ATP6V1H: variants seen among roughly 807,000 people sequenced by gnomAD.
ATP6V1H encodes ATPase H+ transporting V1 subunit H, also known as V-type proton ATPase subunit H.
ATP6V1H carries 39 observed loss-of-function variants against 71.7 expected under a neutral mutation model. The observed-to-expected ratio is 0.54, with a 90% CI of 0.42 to 0.71. The LOEUF (loss-of-function observed/expected upper bound fraction) is 0.71, where lower values mean the gene tolerates loss of function less well. Among genes scored for constraint, ATP6V1H ranks in the 30% least tolerant of loss-of-function variants. The probability of loss-of-function intolerance (pLI) is 0.00; values close to 1 mark genes in which losing one functional copy is unlikely to be tolerated. For missense variants in ATP6V1H, 509 were observed against 594.9 expected, an observed-to-expected ratio of 0.86 and a Z score of 1.50; for synonymous variants, 192 against 199.3, an observed-to-expected ratio of 0.96 and a Z score of 0.31.
At chr8:53,754,217 G>C (rs1807910912) in intron 12 of ATP6V1H, among the ~76,000 whole-genome samples, 1 of 152,100 alleles carries the variant, frequency 6.6e-6, no homozygotes, top group Non-Finnish European at 1.5e-5. Context: ...AGTGCAAAAG[G>C]CTTATTGGGA....
At chr8:53,824,743 T>C (rs1810773477) in intron 4 of ATP6V1H, among the ~76,000 whole-genome samples, 1 of 151,860 alleles carries the variant, frequency 6.6e-6, no homozygotes, top group African/African-American at 2.4e-5. Context: ...GCCATAAGAA[T>C]TAAAAAAGTG....
chr8:53,834,686 A>C (rs955042028), intron 2 of ATP6V1H, among the ~76,000 whole-genome samples: 1 of 152,062 alleles, frequency 6.6e-6, no homozygotes, highest in Non-Finnish European at 1.5e-5. Flanking sequence ...AGCCTCCCAA[A>C]GTGCTGGGAT....
chr8:53,840,392 G>A (rs1811305460), intron 2 of ATP6V1H, among the ~76,000 whole-genome samples: 1 of 152,042 alleles, frequency 6.6e-6, no homozygotes, highest in Non-Finnish European at 1.5e-5. Flanking sequence ...CAGCTACTCG[G>A]GAGGCTGAGG....
At chr8:53,732,940 C>A (rs543796575) in intron 13 of ATP6V1H, among the ~76,000 whole-genome samples, 1 of 152,136 alleles carries the variant, frequency 6.6e-6, no homozygotes, top group Non-Finnish European at 1.5e-5. Context: ...GTCAAGCAGG[C>A]AGTCTCAAAT....
intron 11 of ATP6V1H, among the ~76,000 whole-genome samples, chr8:53,767,712 G>C (rs1432185723): frequency 6.6e-6 from 1 of 152,076 alleles, no homozygotes; most frequent in Non-Finnish European, 1.5e-5. Context: ...TAATTCAATA[G>C]GTAAAGAACA....
intron 13 of ATP6V1H, among the ~76,000 whole-genome samples, chr8:53,731,860 C>T (rs577376896): frequency 9.2e-5 from 14 of 152,374 alleles, no homozygotes; most frequent in South Asian, 4.1e-4. Flanking sequence ...GCTTGAGCGA[C>T]GCAGATCCTG....
intron 13 of ATP6V1H, among the ~76,000 whole-genome samples, chr8:53,734,693 A>G (rs1215651663): frequency 1.3e-5 from 2 of 152,210 alleles, no homozygotes; most frequent in East Asian, 3.8e-4. Flanking sequence ...TGCAGGGAAC[A>G]CCAGCGAGCT....
chr8:53,770,144 A>C (rs534885312), intron 10 of ATP6V1H, among the ~76,000 whole-genome samples: 2 of 152,196 alleles, frequency 1.3e-5, no homozygotes, highest in Non-Finnish European at 2.9e-5. Context: ...ATAGTACTTT[A>C]ACATAATAAA....
intron 9 of ATP6V1H, among the ~76,000 whole-genome samples, chr8:53,792,017 A>C (rs1251440757): frequency 6.6e-6 from 1 of 152,242 alleles, no homozygotes; most frequent in East Asian, 1.9e-4. Context: ...GAAGCACTTA[A>C]GTAGAAGAAA....
intron 8 of ATP6V1H, among the ~76,000 whole-genome samples, chr8:53,798,940 A>G (rs1563472031): frequency 6.6e-6 from 1 of 152,186 alleles, no homozygotes; most frequent in Non-Finnish European, 1.5e-5. Context: ...AGCCATCAGA[A>G]CAGCAGCATT....
chr8:53,755,718 ATATATATATATATATATATATATATATTT>A (rs1563451128), intron 12 of ATP6V1H, among the ~76,000 whole-genome samples: 11 of 5,056 alleles, frequency 2.2e-3, no homozygotes, highest in African/African-American at 9.1e-3. Flanking sequence ...ATATATATAT[ATATATATATATATATATATATATATATTT>A]TTTTTTTTTT....
chr8:53,750,897 C>T (rs1807771879), intron 12 of ATP6V1H, among the ~76,000 whole-genome samples: 1 of 152,222 alleles, frequency 6.6e-6, no homozygotes, highest in Non-Finnish European at 1.5e-5. Flanking sequence ...TACTGATTTA[C>T]TTGCTTCAGC....
chr8:53,748,672 G>A (rs1807690933), intron 12 of ATP6V1H, among the ~76,000 whole-genome samples: 1 of 152,082 alleles, frequency 6.6e-6, no homozygotes, highest in Admixed American at 6.6e-5. Flanking sequence ...CACAGTTTCA[G>A]AAGAAAAAAT....
At position 53,841,805 on chromosome 8, in the gene ATP6V1H, T is replaced by C. The variant is rs1038115886; in HGVS notation, c.-35-80A>G. 3.1e-6 allele frequency: 4 copies of C among 1,309,102 alleles called. No individual in the cohort carries two copies. The Admixed American group carries it at 8.1e-5, about 27-fold the overall frequency. 81.1% of individuals were successfully genotyped at this position (1,309,102 alleles called of 1,614,324 possible). A position where few individuals can be genotyped will look rare whatever the true frequency, so the allele number is the denominator to read the frequency against. The stretch of plus-strand genomic sequence containing the variant: ...ACTATTAATATTATGATTATGAATA[T>C]CGTGATCACTTTAATCTCCCCAGGC... On this transcript the variant is annotated intron_variant, in intron 1 of 13. Transcript: ENST00000359530.
At chr8:53,775,381 G>A (rs1389859746) in intron 9 of ATP6V1H, among the ~76,000 whole-genome samples, 1 of 152,228 alleles carries the variant, frequency 6.6e-6, no homozygotes, top group African/African-American at 2.4e-5. Context: ...GCCAATGCTG[G>A]CTCGGGCAGC....
intron 9 of ATP6V1H, among the ~76,000 whole-genome samples, chr8:53,780,088 G>C (rs1809050862): frequency 6.6e-6 from 1 of 151,572 alleles, no homozygotes; most frequent in East Asian, 1.9e-4. Flanking sequence ...GAACACAGGA[G>C]GTAGAGGTTG....
At chr8:53,809,888 G>A (rs538601209) in intron 7 of ATP6V1H, among the ~76,000 whole-genome samples, 2 of 152,210 alleles carry the variant, frequency 1.3e-5, no homozygotes, top group East Asian at 3.9e-4. Context: ...CCCCAGGATC[G>A]CGTATCTAGT....
intron 13 of ATP6V1H, among the ~76,000 whole-genome samples, chr8:53,723,389 C>G (rs1247589325): frequency 6.6e-6 from 1 of 152,172 alleles, no homozygotes; most frequent in African/African-American, 2.4e-5. Flanking sequence ...TCTGCAGCCT[C>G]CTTACTGGTC....
intron 6 of ATP6V1H, 89 bp downstream of exon 6, chr8:53,814,573 T>A: frequency 2.8e-6 from 2 of 719,442 alleles, no homozygotes; most frequent in Middle Eastern, 3.9e-4. Context: ...ATAAAACATT[T>A]TTGTAATTTA....
Sources: allele counts gnomAD v4.1 joint callset (sites outside exome capture counted in the v4.1 genomes callset), GRCh38; gene constraint gnomAD v4.1.1; transcripts MANE v1.5; gene names NCBI Gene and HGNC (gene_info 2026-07-23, HGNC 2026-07-21).